Variants in DNAJC15 observed in about 807,000 individuals in gnomAD.
DNAJC15 encodes the protein dnaJ homolog subfamily C member 15.
In DNAJC15, 27 loss-of-function variants were observed where a neutral mutation model predicts 22.4. The observed-to-expected ratio is 1.20, with a 90% CI of 0.89 to 1.66. The LOEUF (loss-of-function observed/expected upper bound fraction) is 1.66. Ranked by LOEUF, DNAJC15 falls within the 40% of genes most tolerant of loss-of-function variation. The pLI, the probability that DNAJC15 is intolerant of heterozygous loss-of-function variation, is 0.00. For missense variants in DNAJC15, 208 were observed against 187.1 expected (o/e 1.11, Z -0.65); for synonymous variants, 79 against 63.2 (o/e 1.25, Z -1.19).
chr13:43,058,594 T>G (rs1313005044), intron 1 of DNAJC15, among the ~76,000 whole-genome samples: 2 of 152,082 alleles, frequency 1.3e-5, no homozygotes, highest in Non-Finnish European at 2.9e-5. Flanking sequence ...CTGCATCTTC[T>G]GTGTTCATAT....
intron 4 of DNAJC15, among the ~76,000 whole-genome samples, chr13:43,085,427 G>A (rs749482749): frequency 2.6e-5 from 4 of 152,036 alleles, no homozygotes; most frequent in African/African-American, 9.7e-5. Context: ...CTGCTACACC[G>A]TATATACCGC....
At chr13:43,059,837 AGCAATGTTTC>A (rs1175903814) in intron 1 of DNAJC15, among the ~76,000 whole-genome samples, 5 of 152,150 alleles carry the variant, frequency 3.3e-5, no homozygotes, top group South Asian at 2.1e-4. Flanking sequence ...TGCAGTTAGG[AGCAATGTTTC>A]GCGGGCATGG....
At chr13:43,041,574 C>T (rs1401864575) in intron 1 of DNAJC15, among the ~76,000 whole-genome samples, 1 of 152,310 alleles carries the variant, frequency 6.6e-6, no homozygotes, top group East Asian at 1.9e-4. Flanking sequence ...GACTAGATTG[C>T]AGTAACAGTG....
intron 4 of DNAJC15, among the ~76,000 whole-genome samples, chr13:43,079,305 ATCT>A (rs1276056509): frequency 1.3e-5 from 2 of 152,216 alleles, no homozygotes; most frequent in East Asian, 1.9e-4. Flanking sequence ...TGTACAACAA[ATCT>A]TCTGATGATA....
At chr13:43,099,161 G>T (rs1192862470) in intron 5 of DNAJC15, among the ~76,000 whole-genome samples, 1 of 151,968 alleles carries the variant, frequency 6.6e-6, no homozygotes. Flanking sequence ...ATTGTGAATG[G>T]AATTATTTTA....
intron 5 of DNAJC15, among the ~76,000 whole-genome samples, chr13:43,090,291 G>A (rs1272658047): frequency 1.3e-5 from 2 of 152,222 alleles, no homozygotes; most frequent in African/African-American, 2.4e-5. Context: ...CCTTGTTTGA[G>A]CATGGTGTGA....
chr13:43,079,587 T>A (rs1214680859), intron 4 of DNAJC15, among the ~76,000 whole-genome samples: 2 of 152,088 alleles, frequency 1.3e-5, no homozygotes, highest in Non-Finnish European at 2.9e-5. Context: ...AGGGTCAGAT[T>A]AGGAAGTTTG....
chr13:43,025,363 A>T (rs2040375928), intron 1 of DNAJC15, among the ~76,000 whole-genome samples: 1 of 151,794 alleles, frequency 6.6e-6, no homozygotes, highest in African/African-American at 2.4e-5. Context: ...TTACATGTGT[A>T]GGTATTTTTA....
At chr13:43,080,631 C>CT (rs1277819997) in intron 4 of DNAJC15, among the ~76,000 whole-genome samples, 6 of 152,182 alleles carry the variant, frequency 3.9e-5, no homozygotes, top group Non-Finnish European at 8.8e-5. Flanking sequence ...CTTGGTCAAG[C>CT]TTTTTTGTTT....
intron 5 of DNAJC15, among the ~76,000 whole-genome samples, chr13:43,103,891 T>G (rs541306232): frequency 6.6e-6 from 1 of 152,348 alleles, no homozygotes. Context: ...TGAAATTGGC[T>G]GTTTTATTTT....
chr13:43,039,834 T>TA (rs1329516609), intron 1 of DNAJC15, among the ~76,000 whole-genome samples: 2 of 152,196 alleles, frequency 1.3e-5, no homozygotes, highest in African/African-American at 4.8e-5. Context: ...GCCTGGCCAA[T>TA]ATGGTGGAAC....
intron 1 of DNAJC15, among the ~76,000 whole-genome samples, chr13:43,057,037 T>G (rs1251117293): frequency 6.6e-6 from 1 of 152,232 alleles, no homozygotes; most frequent in Non-Finnish European, 1.5e-5. Flanking sequence ...CTCACAACAC[T>G]TAAGATTCTT....
At position 43,114,178 on chromosome 13, in the gene DNAJC15, T is replaced by C. The variant is rs929173168; in HGVS notation, c.*6930T>C. 2.0e-5 allele frequency: 3 copies of C among 152,256 alleles called. No individual in the cohort carries two copies. Among genetic ancestry groups the C allele is most frequent in the Non-Finnish European group, 4.4e-5 (3 of 68,044 alleles). The allele number at this position is 152,256 out of a possible 1,614,324, so 9.4% of individuals were successfully genotyped here. A position where few individuals can be genotyped will look rare whatever the true frequency, so the allele number is the denominator to read the frequency against. On this transcript the variant is annotated 3_prime_UTR_variant, in exon 6 of 6. Transcript: ENST00000379221. ...AGTTTTATCTATGTGGTTTTCCCGA[T>C]GCAGTTAAAATAAAACCTAATCTGC... is the stretch of plus-strand genomic sequence containing the variant.
chr13:43,096,600 AAG>A (rs1027121689), intron 5 of DNAJC15, among the ~76,000 whole-genome samples: 22 of 152,346 alleles, frequency 1.4e-4, no homozygotes, highest in Middle Eastern at 6.8e-3. Context: ...GATACTGAAG[AAG>A]ATAACCAAAG....
At chr13:43,106,054 T>A (rs1366022877) in intron 5 of DNAJC15, among the ~76,000 whole-genome samples, 1 of 152,180 alleles carries the variant, frequency 6.6e-6, no homozygotes, top group Non-Finnish European at 1.5e-5. Context: ...CACAACACCA[T>A]GTTTGTTGAT....
At chr13:43,105,628 A>AT (rs200391436) in intron 5 of DNAJC15, among the ~76,000 whole-genome samples, 2,027 of 152,234 alleles carry the variant, frequency 0.013, 23 homozygotes, top group South Asian at 0.036. Context: ...TGTGCCTTTG[A>AT]TTTTTTCCAA....
chr13:43,043,670 G>GGCCTCTGATTTTGTTGTTTC (rs2040464076), intron 1 of DNAJC15, among the ~76,000 whole-genome samples: 1 of 152,090 alleles, frequency 6.6e-6, no homozygotes, highest in African/African-American at 2.4e-5. Context: ...TAACATGTTT[G>GGCCTCTGATTTTGTTGTTTC]GCCTCTGATT....
intron 1 of DNAJC15, among the ~76,000 whole-genome samples, chr13:43,039,703 G>A (rs944758846): frequency 3.9e-5 from 6 of 152,150 alleles, no homozygotes; most frequent in Admixed American, 3.3e-4. Flanking sequence ...CAAAACTAAG[G>A]ATACTATTTA....
At position 43,068,983 on chromosome 13, in the gene DNAJC15, G is replaced by T. The variant is rs201392334; in HGVS notation, c.214G>T (p.Ala72Ser). 17 of 1,612,518 alleles carry T rather than the reference G, an allele frequency of 1.1e-5. No individual in the cohort carries two copies. The African/African-American group carries it at 1.6e-4, about 15-fold the overall frequency. Residue 72 changes from alanine to serine, a missense_variant, in exon 3 of 6, where the codon GCA becomes TCA. Coordinates refer to ENST00000379221, the MANE Select transcript of DNAJC15 (RefSeq NM_013238.3). The part of the protein sequence containing the change: ...KPLEQVITET[A>S]KKISTPSFSS... ...TCTAGAACAAGTTATCACAGAAACT[G>T]CAAAGAAGATTTCAACTCCTGTAAG...
Sources: gnomAD v4.1 joint callset for allele counts (sites outside exome capture counted in the v4.1 genomes callset) on GRCh38, gnomAD v4.1.1 for gene constraint, MANE v1.5 for transcripts, NCBI Gene and HGNC (gene_info 2026-07-23, HGNC 2026-07-21) for gene names.